Variants in CSMD2 observed in about 807,000 individuals in gnomAD.
The protein encoded by CSMD2 is CUB and sushi domain-containing protein 2.
A neutral mutation model predicts 398.5 loss-of-function variants in CSMD2; 130 were observed. The ratio of observed to expected loss-of-function variants is 0.33; its 90% confidence interval spans 0.28 to 0.38. The LOEUF is 0.38. CSMD2 is among the 10% of genes least tolerant of loss of function. CSMD2 has a pLI of 1.00. For synonymous variants in CSMD2, 1,828 were observed against 1,908.5 expected, an observed-to-expected ratio of 0.96 and a Z score of 1.10; for missense variants, 3,829 against 4,764.9, an observed-to-expected ratio of 0.80 and a Z score of 5.78.
At chr1:33,562,060 T>G (rs937320605) in intron 53 of CSMD2, among the ~76,000 whole-genome samples, 2 of 152,074 alleles carry the variant, frequency 1.3e-5, no homozygotes, top group African/African-American at 4.8e-5. Flanking sequence ...AAAAAAGTAG[T>G]AAAGCAAAAA....
intron 13 of CSMD2, among the ~76,000 whole-genome samples, chr1:33,752,731 T>C (rs1419510626): frequency 6.6e-6 from 1 of 152,156 alleles, no homozygotes; most frequent in Non-Finnish European, 1.5e-5. Context: ...TGTAATTTCT[T>C]AGAGACTGTT....
chr1:33,660,171 C>T (rs1291902693), intron 26 of CSMD2, among the ~76,000 whole-genome samples: 1 of 152,156 alleles, frequency 6.6e-6, no homozygotes, highest in Non-Finnish European at 1.5e-5. Flanking sequence ...ACTAGATGAC[C>T]TTGTATGAGA....
intron 5 of CSMD2, among the ~76,000 whole-genome samples, chr1:33,904,587 C>T (rs924509391): frequency 7.2e-5 from 11 of 152,122 alleles, no homozygotes; most frequent in African/African-American, 2.7e-4. Flanking sequence ...TGGTGTTATC[C>T]ACCACTAAAT....
rs929762268 is a variant in CSMD2, at chr1:33,824,574, C to G, written c.1111+1123G>C. On this transcript the variant is annotated intron_variant, in intron 7 of 70. Coordinates refer to ENST00000373381, the MANE Select transcript of CSMD2 (RefSeq NM_001281956.2). ...GTTCTCCCGGCCACACACATCGGCACAGAGCTCGAAAACCACCGGTGCCAC... is the reference window on the plus strand; with the variant it reads ...GTTCTCCCGGCCACACACATCGGCAGAGAGCTCGAAAACCACCGGTGCCAC... Among the ~76,000 whole-genome samples the G allele has an allele frequency of 3.9e-5, 6 of 152,248 alleles. No homozygotes were observed. In the East Asian group the frequency reaches 9.7e-4, roughly 25 times the overall value.
At chr1:34,162,941 G>A (rs943256413) in intron 1 of CSMD2, among the ~76,000 whole-genome samples, 4 of 152,040 alleles carry the variant, frequency 2.6e-5, no homozygotes, top group African/African-American at 9.7e-5. Context: ...TGCCGGAGAG[G>A]AACTACCCCA....
intron 19 of CSMD2, among the ~76,000 whole-genome samples, chr1:33,722,665 A>G (rs1237074054): frequency 6.7e-6 from 1 of 149,364 alleles, no homozygotes; most frequent in Non-Finnish European, 1.5e-5. Context: ...GCTAATCCTT[A>G]GTCGATCACA....
chr1:33,716,513 C>G lies in CSMD2; in HGVS notation c.3002-12G>C. On this transcript the variant is annotated splice_polypyrimidine_tract_variant and intron_variant, in intron 19 of 70. Transcript: ENST00000373381. ...AGTGAAGAACACACCTGCCAAGAGACCAGAGGGTCAGGTTGTTGATGGCGA... is the reference window on the plus strand; with the variant it reads ...AGTGAAGAACACACCTGCCAAGAGAGCAGAGGGTCAGGTTGTTGATGGCGA... 1 of 1,604,278 alleles carries G rather than the reference C, an allele frequency of 6.2e-7. No individual in the cohort carries two copies. The highest frequency in any genetic ancestry group is 8.5e-7 in the Non-Finnish European group (1 of 1,173,802).
At chr1:34,132,477 C>A (rs577692555) in intron 1 of CSMD2, among the ~76,000 whole-genome samples, 70 of 152,290 alleles carry the variant, frequency 4.6e-4, no homozygotes, top group African/African-American at 1.7e-3. Context: ...CCCCTCTGTT[C>A]CTGTGATAGT....
At chr1:34,017,773 C>T (rs1648328852) in intron 3 of CSMD2, among the ~76,000 whole-genome samples, 2 of 152,138 alleles carry the variant, frequency 1.3e-5, no homozygotes, top group African/African-American at 4.8e-5. Context: ...AAACACCTTG[C>T]TACTGATCAA....
chr1:33,567,529 G>C, intron 53 of CSMD2, 64 bp downstream of exon 53: 1 of 1,512,456 alleles, frequency 6.6e-7, no homozygotes, highest in East Asian at 2.3e-5. Flanking sequence ...CTAATTAAGA[G>C]ACAGGGAGAA....
intron 53 of CSMD2, 31 bp downstream of exon 53, chr1:33,567,562 C>T (rs1215184445): frequency 1.2e-6 from 2 of 1,610,226 alleles, no homozygotes; most frequent in South Asian, 2.2e-5. Flanking sequence ...ATCTGAGCCC[C>T]ATGACTAGGG....
At chr1:33,704,587 T>C (rs1267924023) in intron 22 of CSMD2, among the ~76,000 whole-genome samples, 1 of 152,250 alleles carries the variant, frequency 6.6e-6, no homozygotes, top group Non-Finnish European at 1.5e-5. Flanking sequence ...TGTCTTTTTC[T>C]TTGCTAATCT....
intron 2 of CSMD2, among the ~76,000 whole-genome samples, chr1:34,052,259 AAAT>A (rs949547422): frequency 3.3e-5 from 5 of 151,726 alleles, no homozygotes; most frequent in Admixed American, 6.6e-5. Context: ...TGAAAATATT[AAAT>A]AATAAATAAT....
intron 44 of CSMD2, chr1:33,599,149 G>C (rs1313656071): frequency 1.3e-5 from 2 of 152,252 alleles, no homozygotes; most frequent in East Asian, 3.9e-4. Flanking sequence ...CAAGGGCCTT[G>C]TGTCTCATCT....
chr1:33,969,658 A>C (rs1317231658), intron 3 of CSMD2, among the ~76,000 whole-genome samples: 1 of 152,236 alleles, frequency 6.6e-6, no homozygotes, highest in African/African-American at 2.4e-5. Context: ...CTAAGAATTA[A>C]TGAAAAGGCA....
At chr1:33,999,799 C>A (rs942713365) in intron 3 of CSMD2, among the ~76,000 whole-genome samples, 10 of 152,082 alleles carry the variant, frequency 6.6e-5, no homozygotes, top group African/African-American at 2.2e-4. Flanking sequence ...CCAAGATATT[C>A]ATCATAGCCT....
chr1:33,710,861 A>G (rs1645964441), intron 21 of CSMD2, among the ~76,000 whole-genome samples: 1 of 152,168 alleles, frequency 6.6e-6, no homozygotes, highest in African/African-American at 2.4e-5. Context: ...TGGGGGCCAC[A>G]TGTCCCACCA....
chr1:34,095,529 A>G (rs1319417515), intron 1 of CSMD2, among the ~76,000 whole-genome samples: 2 of 151,950 alleles, frequency 1.3e-5, no homozygotes, highest in African/African-American at 4.8e-5. Flanking sequence ...TAATAAAGAA[A>G]AAAAGAGAGA....
At chr1:33,832,508 G>A (rs1340733281) in intron 6 of CSMD2, among the ~76,000 whole-genome samples, 1 of 148,430 alleles carries the variant, frequency 6.7e-6, no homozygotes, top group Admixed American at 6.8e-5. Flanking sequence ...GCAGTGTGTA[G>A]AGGGAAATTT....
Sources: allele counts gnomAD v4.1 joint callset (sites outside exome capture counted in the v4.1 genomes callset), GRCh38; gene constraint gnomAD v4.1.1; transcripts MANE v1.5; gene names NCBI Gene and HGNC (gene_info 2026-07-23, HGNC 2026-07-21).